MRPS6: variants seen among roughly 807,000 people sequenced by gnomAD.
MRPS6 encodes the protein mitochondrial ribosomal protein S6.
Under a neutral mutation model 13.1 loss-of-function variants are expected in MRPS6, and 6 were observed. The observed-to-expected ratio is 0.46, with a 90% CI of 0.25 to 0.91. The LOEUF (loss-of-function observed/expected upper bound fraction) is 0.91, where lower values mean the gene tolerates loss of function less well. MRPS6 is among the 40% of genes least tolerant of loss of function. MRPS6 has a pLI of 0.18. For synonymous variants in MRPS6, 61 were observed against 56.5 expected, an observed-to-expected ratio of 1.08 and a Z score of -0.36; for missense variants, 164 against 155.6, an observed-to-expected ratio of 1.05 and a Z score of -0.29.
chr21:34,113,744 T>A (rs1236992741), intron 1 of MRPS6, among the ~76,000 whole-genome samples: 1 of 152,192 alleles, frequency 6.6e-6, no homozygotes, highest in Non-Finnish European at 1.5e-5. Flanking sequence ...AATGTATGAT[T>A]TTAAGAACTT....
intron 2 of MRPS6, among the ~76,000 whole-genome samples, chr21:34,129,333 G>A (rs1029246743): frequency 6.6e-6 from 1 of 152,144 alleles, no homozygotes; most frequent in Non-Finnish European, 1.5e-5. Context: ...AAGTGCGGTC[G>A]TATTTCAGCG....
chr21:34,102,563 G>A, intron 1 of MRPS6: 1 of 999,840 alleles, frequency 1.0e-6, no homozygotes, highest in Non-Finnish European at 1.2e-6. Flanking sequence ...TTACTTTTTG[G>A]GCAGTACCAT....
intron 2 of MRPS6, among the ~76,000 whole-genome samples, chr21:34,137,570 T>G (rs1270729924): frequency 6.6e-6 from 1 of 152,224 alleles, no homozygotes. Context: ...TGCTTATCAG[T>G]CTAGGTACCT....
At chr21:34,137,839 T>A (rs1980762623) in intron 2 of MRPS6, among the ~76,000 whole-genome samples, 1 of 152,162 alleles carries the variant, frequency 6.6e-6, no homozygotes, top group Non-Finnish European at 1.5e-5. Context: ...TTCATTTGTG[T>A]TTGTTGAAAT....
At chr21:34,103,365 T>G in intron 1 of MRPS6, 1 of 997,450 alleles carries the variant, frequency 1.0e-6, no homozygotes, top group Non-Finnish European at 1.2e-6. Flanking sequence ...ATGTGCAGCC[T>G]TTATTTAGGT....
chr21:34,112,584 A>G (rs999048204), intron 1 of MRPS6, among the ~76,000 whole-genome samples: 3 of 151,824 alleles, frequency 2.0e-5, no homozygotes, highest in East Asian at 3.9e-4. Flanking sequence ...CCCCACACCT[A>G]TTCTCTCCCC....
chr21:34,082,063 T>C (rs1989471858), intron 1 of MRPS6, among the ~76,000 whole-genome samples: 1 of 152,116 alleles, frequency 6.6e-6, no homozygotes, highest in African/African-American at 2.4e-5. Flanking sequence ...TGGTTTTTTT[T>C]TTTTTGATGT....
At chr21:34,100,999 A>G in intron 1 of MRPS6, 2 of 1,000,176 alleles carry the variant, frequency 2.0e-6, no homozygotes, top group Non-Finnish European at 2.4e-6. Flanking sequence ...ATGACTGGAA[A>G]GGGATCACAT....
At chr21:34,141,630 A>G (rs1318030625) in intron 2 of MRPS6, among the ~76,000 whole-genome samples, 2 of 152,166 alleles carry the variant, frequency 1.3e-5, no homozygotes, top group Non-Finnish European at 2.9e-5. Context: ...CTGCCCTGAA[A>G]ACTGACCTTT....
At chr21:34,128,515 T>G (rs746165632) in intron 2 of MRPS6, among the ~76,000 whole-genome samples, 1 of 152,190 alleles carries the variant, frequency 6.6e-6, no homozygotes, top group Non-Finnish European at 1.5e-5. Context: ...CTGATGTTTA[T>G]TATTATATCA....
At chr21:34,095,865 G>A (rs755732349) in intron 1 of MRPS6, 30 of 1,613,918 alleles carry the variant, frequency 1.9e-5, no homozygotes, top group Admixed American at 3.3e-5. Context: ...GGCCTCACCC[G>A]ATGTCACTTC....
chr21:34,093,873 ATC>A (rs1161668960), intron 1 of MRPS6, among the ~76,000 whole-genome samples: 1 of 152,224 alleles, frequency 6.6e-6, no homozygotes, highest in African/African-American at 2.4e-5. Context: ...CTGAAGATTT[ATC>A]TAATGGTCCA....
chr21:34,086,602 G>A (rs1978396517), intron 1 of MRPS6, among the ~76,000 whole-genome samples: 1 of 151,842 alleles, frequency 6.6e-6, no homozygotes, highest in African/African-American at 2.4e-5. Context: ...ATTTCAGAAA[G>A]GATGTTCATG....
chr21:34,096,913 T>TTC lies in MRPS6; in HGVS notation c.45+23170_45+23171dup. 6.2e-7 allele frequency: 1 copy of TTC among 1,614,108 alleles called. No homozygotes were observed. Among genetic ancestry groups the TTC allele is most frequent in the East Asian group, 2.2e-5 (1 of 44,882 alleles). On this transcript the variant is annotated intron_variant, in intron 1 of 2. Transcript: ENST00000399312. The surrounding 1 kb of genome is among the most constrained non-coding windows in gnomAD (Gnocchi z 5.9). ...CCATACAAAATGCAAGAAAAGAGCATTCTGAGATGCAGTGAGAATAATGAG... is the reference window on the plus strand; with the variant it reads ...CCATACAAAATGCAAGAAAAGAGCATTCTCTGAGATGCAGTGAGAATAATGAG...
At position 34,109,311 on chromosome 21, in the gene MRPS6, C is replaced by G. The variant is rs1346051216; in HGVS notation, c.46-16030C>G. On this transcript the variant is annotated intron_variant, in intron 1 of 2. Transcript: ENST00000399312. ...CTTATTTTTAATAGGGTGGAGCACGCTGGCATCACGATTGGGCCTGCAACG... is the reference window on the plus strand; with the variant it reads ...CTTATTTTTAATAGGGTGGAGCACGGTGGCATCACGATTGGGCCTGCAACG... Among the ~76,000 whole-genome samples, 3 of 152,332 alleles carry G rather than the reference C, an allele frequency of 2.0e-5. No individual in the cohort carries two copies. The East Asian group carries it at 5.8e-4, about 29-fold the overall frequency.
chr21:34,105,665 G>A (rs1325858655), intron 1 of MRPS6: 2 of 997,612 alleles, frequency 2.0e-6, no homozygotes, highest in Non-Finnish European at 2.4e-6. Context: ...TATAAATGAA[G>A]TTGATGAACA....
intron 1 of MRPS6, among the ~76,000 whole-genome samples, chr21:34,087,554 T>C (rs1197615053): frequency 6.6e-6 from 1 of 152,218 alleles, no homozygotes; most frequent in Non-Finnish European, 1.5e-5. Flanking sequence ...TGTTGAGTAC[T>C]ATGGATAAAT....
At chr21:34,104,829 CAT>C in intron 1 of MRPS6, 1 of 999,910 alleles carries the variant, frequency 1.0e-6, no homozygotes, top group Non-Finnish European at 1.2e-6. Flanking sequence ...TGTACCTTTA[CAT>C]GTTTTTAAAT....
chr21:34,125,652 G>C (rs548522134), intron 2 of MRPS6, among the ~76,000 whole-genome samples, 172 bp downstream of exon 2: 1 of 152,262 alleles, frequency 6.6e-6, no homozygotes, highest in Admixed American at 6.5e-5. Flanking sequence ...GTGATATGCT[G>C]GCCCTTCGTG....
Sources: gnomAD v4.1 joint callset for allele counts (sites outside exome capture counted in the v4.1 genomes callset) on GRCh38, gnomAD v4.1.1 for gene constraint, Gnocchi (gnomAD v3.1) non-coding constraint, MANE v1.5 for transcripts, NCBI Gene and HGNC (gene_info 2026-07-23, HGNC 2026-07-21) for gene names.